Variants in SLC25A26 observed in about 807,000 individuals in gnomAD.
SLC25A26 encodes solute carrier family 25 member 26, also known as mitochondrial S-adenosylmethionine carrier protein.
SLC25A26 carries 36 observed loss-of-function variants against 37.8 expected under a neutral mutation model. The ratio of observed to expected loss-of-function variants is 0.95; its 90% CI spans 0.73 to 1.26. The LOEUF is 1.26. Ranked by LOEUF, SLC25A26 falls within the 50% of genes most tolerant of loss-of-function variation. SLC25A26 has a pLI of 0.00. For synonymous variants in SLC25A26, 129 were observed against 122.5 expected, an observed-to-expected ratio of 1.05 and a Z score of -0.35; for missense variants, 390 against 331.1, an observed-to-expected ratio of 1.18 and a Z score of -1.38.
At chr3:66,250,765 A>G (rs1002192685) in intron 3 of SLC25A26, among the ~76,000 whole-genome samples, 1 of 152,034 alleles carries the variant, frequency 6.6e-6, no homozygotes, top group South Asian at 2.1e-4. Context: ...GGGTAGATGG[A>G]TGGGTGTTAA....
chr3:66,230,188 G>A lies in SLC25A26; in HGVS notation c.34-6356G>A, dbSNP rs1437683572. Among the ~76,000 whole-genome samples, 9 of 1,422 alleles carry A rather than the reference G, an allele frequency of 6.3e-3. No homozygotes were observed. The African/African-American group carries it at 0.074, about 12-fold the overall frequency. The allele number at this position is 1,422 out of a possible 152,430, so 0.9% of individuals were successfully genotyped here. On this transcript the variant is annotated intron_variant, in intron 1 of 9. Coordinates refer to ENST00000354883, the MANE Select transcript of SLC25A26 (RefSeq NM_001379210.1). ...CTCGGTTAGATATTTAGGAAGGCAGGTGACTGATCTGGTTTCTACTCTGAA... is the reference window on the plus strand; with the variant it reads ...CTCGGTTAGATATTTAGGAAGGCAGATGACTGATCTGGTTTCTACTCTGAA...
chr3:66,334,722 G>A (rs1315291737), intron 5 of SLC25A26, among the ~76,000 whole-genome samples: 4 of 151,916 alleles, frequency 2.6e-5, no homozygotes, highest in Non-Finnish European at 5.9e-5. Flanking sequence ...TTCTGGATTG[G>A]ATTCTGGGTA....
intron 1 of SLC25A26, among the ~76,000 whole-genome samples, chr3:66,230,649 C>T (rs1401990265): frequency 1.3e-5 from 2 of 150,500 alleles, no homozygotes; most frequent in Admixed American, 1.3e-4. Context: ...ACTAAAAATA[C>T]AAAAAATTAG....
chr3:66,348,848 G>C (rs969752386), intron 6 of SLC25A26, among the ~76,000 whole-genome samples: 1 of 152,190 alleles, frequency 6.6e-6, no homozygotes, highest in African/African-American at 2.4e-5. Context: ...TTCTCTGGCA[G>C]TGTTTCAGGG....
At chr3:66,305,849 C>G (rs866296617) in intron 5 of SLC25A26, among the ~76,000 whole-genome samples, 3 of 152,162 alleles carry the variant, frequency 2.0e-5, no homozygotes. Flanking sequence ...AATGGTATTT[C>G]TGGTTCTTGC....
intron 1 of SLC25A26, among the ~76,000 whole-genome samples, chr3:66,176,589 AG>A (rs1265953391): frequency 6.6e-6 from 1 of 152,208 alleles, no homozygotes; most frequent in Non-Finnish European, 1.5e-5. Flanking sequence ...GAGACTATTG[AG>A]GGGAAAAAAC....
chr3:66,169,740 A>C (rs1374766078), intron 1 of SLC25A26, among the ~76,000 whole-genome samples: 2 of 152,214 alleles, frequency 1.3e-5, no homozygotes, highest in African/African-American at 2.4e-5. Flanking sequence ...ACATACTAGC[A>C]TGCAGATATT....
intron 5 of SLC25A26, among the ~76,000 whole-genome samples, chr3:66,308,273 G>A (rs1559682266): frequency 6.6e-6 from 1 of 152,090 alleles, no homozygotes; most frequent in Non-Finnish European, 1.5e-5. Context: ...GTTGTGAATG[G>A]GCGTTCACTC....
intron 4 of SLC25A26, among the ~76,000 whole-genome samples, chr3:66,262,787 A>G (rs2073581767): frequency 6.6e-6 from 1 of 152,202 alleles, no homozygotes; most frequent in Non-Finnish European, 1.5e-5. Flanking sequence ...AATGAGATGA[A>G]GCTAGTATAA....
intron 5 of SLC25A26, among the ~76,000 whole-genome samples, chr3:66,291,333 T>G (rs2074699865): frequency 6.6e-6 from 1 of 152,154 alleles, no homozygotes; most frequent in South Asian, 2.1e-4. Flanking sequence ...CGTAGTTATT[T>G]CTTGTCTTCT....
At chr3:66,212,672 C>G (rs1033580509) in intron 1 of SLC25A26, among the ~76,000 whole-genome samples, 37,919 of 152,040 alleles carry the variant, frequency 0.25, 5,143 homozygotes, top group African/African-American at 0.35. Context: ...CTGGCAACCA[C>G]CATGCTACTT....
intron 1 of SLC25A26, among the ~76,000 whole-genome samples, chr3:66,204,881 T>G (rs2071157534): frequency 6.6e-6 from 1 of 152,176 alleles, no homozygotes; most frequent in African/African-American, 2.4e-5. Flanking sequence ...TCAGTCAACA[T>G]TTTAAACAGC....
chr3:66,313,586 T>G (rs769056943), intron 5 of SLC25A26, among the ~76,000 whole-genome samples: 13 of 152,206 alleles, frequency 8.5e-5, no homozygotes, highest in Non-Finnish European at 4.4e-5. Flanking sequence ...TTGCTTAGGA[T>G]TGTCTTGGCT....
intron 5 of SLC25A26, among the ~76,000 whole-genome samples, chr3:66,263,709 CG>C (rs1007831061): frequency 6.6e-6 from 1 of 151,970 alleles, no homozygotes; most frequent in African/African-American, 2.4e-5. Context: ...CCCAGGCTGG[CG>C]TGCAGTGGCG....
At chr3:66,248,548 T>TA (rs2072948175) in intron 3 of SLC25A26, among the ~76,000 whole-genome samples, 1 of 152,228 alleles carries the variant, frequency 6.6e-6, no homozygotes, top group Non-Finnish European at 1.5e-5. Context: ...TATCTTATCC[T>TA]ACTTTTGTCT....
intron 5 of SLC25A26, among the ~76,000 whole-genome samples, chr3:66,293,416 T>G (rs1294783734): frequency 3.3e-5 from 5 of 152,058 alleles, no homozygotes; most frequent in Admixed American, 3.3e-4. Flanking sequence ...GGGGTACATG[T>G]ACTGGTTTGT....
chr3:66,223,286 G>A (rs1553659345), intron 1 of SLC25A26, among the ~76,000 whole-genome samples: 1 of 152,140 alleles, frequency 6.6e-6, no homozygotes, highest in Non-Finnish European at 1.5e-5. Flanking sequence ...GATCAGAGTG[G>A]GAGGTTCAGT....
intron 5 of SLC25A26, among the ~76,000 whole-genome samples, chr3:66,324,329 C>A (rs1315231977): frequency 1.3e-5 from 2 of 151,608 alleles, no homozygotes; most frequent in Admixed American, 1.3e-4. Flanking sequence ...GTCTTCTGTT[C>A]CTGAGTGGGA....
At chr3:66,292,558 G>A (rs2074749335) in intron 5 of SLC25A26, among the ~76,000 whole-genome samples, 1 of 152,108 alleles carries the variant, frequency 6.6e-6, no homozygotes, top group Non-Finnish European at 1.5e-5. Flanking sequence ...TGCTTATGAA[G>A]CTTAGTTCGG....
Sources: allele counts gnomAD v4.1 joint callset (sites outside exome capture counted in the v4.1 genomes callset), GRCh38; gene constraint gnomAD v4.1.1; transcripts MANE v1.5; gene names NCBI Gene and HGNC (gene_info 2026-07-23, HGNC 2026-07-21).